CCDC91: variants seen among roughly 807,000 people sequenced by gnomAD.
CCDC91 encodes the protein coiled-coil domain-containing protein 91.
A neutral mutation model predicts 63.2 loss-of-function variants in CCDC91; 48 were observed. That is an observed-to-expected ratio of 0.76 (90% CI 0.60 to 0.97). The LOEUF (loss-of-function observed/expected upper bound fraction) is 0.97, where lower values mean the gene tolerates loss of function less well. Ranked by LOEUF, CCDC91 falls within the 50% of genes least tolerant of loss-of-function variation. The pLI is 0.00. For missense variants in CCDC91, 500 were observed against 494.6 expected, an observed-to-expected ratio of 1.01 and a Z score of -0.10; for synonymous variants, 167 against 165.8, an observed-to-expected ratio of 1.01 and a Z score of -0.06.
chr12:28,248,351 A>G (rs149449257), intron 1 of CCDC91, among the ~76,000 whole-genome samples: 1 of 152,158 alleles, frequency 6.6e-6, no homozygotes, highest in African/African-American at 2.4e-5. Context: ...ACACATCTAA[A>G]TTAGAGATAG....
At chr12:28,441,580 C>T (rs1232772346) in intron 8 of CCDC91, among the ~76,000 whole-genome samples, 2 of 149,214 alleles carry the variant, frequency 1.3e-5, no homozygotes, top group South Asian at 2.1e-4. Context: ...TTTGGCAGAG[C>T]GATGAAGCCT....
chr12:28,507,841 G>A (rs1332538637), intron 12 of CCDC91, among the ~76,000 whole-genome samples: 1 of 152,110 alleles, frequency 6.6e-6, no homozygotes, highest in African/African-American at 2.4e-5. Context: ...ACCTATCGGG[G>A]TGGAGGAAGT....
chr12:28,318,157 T>C (rs527452770), intron 6 of CCDC91, among the ~76,000 whole-genome samples: 1 of 152,090 alleles, frequency 6.6e-6, no homozygotes, highest in African/African-American at 2.4e-5. Flanking sequence ...TTTTATCACC[T>C]AAATATTCAG....
chr12:28,496,683 T>G (rs1472935998), intron 12 of CCDC91, among the ~76,000 whole-genome samples: 7 of 151,444 alleles, frequency 4.6e-5, no homozygotes, highest in Non-Finnish European at 7.4e-5. Context: ...ACATTAGCAA[T>G]TGCTAGGTTC....
intron 1 of CCDC91, among the ~76,000 whole-genome samples, chr12:28,253,848 T>C (rs574188348): frequency 6.6e-6 from 1 of 152,358 alleles, no homozygotes; most frequent in South Asian, 2.1e-4. Flanking sequence ...CATTTAATGA[T>C]GCTTCCAACC....
intron 7 of CCDC91, among the ~76,000 whole-genome samples, chr12:28,364,453 TG>T (rs1486110182): frequency 6.6e-6 from 1 of 152,230 alleles, no homozygotes; most frequent in Non-Finnish European, 1.5e-5. Flanking sequence ...CCTTTTATAA[TG>T]TTTTTAATAT....
At chr12:28,415,453 C>CACACCTG (rs1947590919) in intron 8 of CCDC91, among the ~76,000 whole-genome samples, 1 of 152,094 alleles carries the variant, frequency 6.6e-6, no homozygotes, top group Non-Finnish European at 1.5e-5. Context: ...CTCCTGACCT[C>CACACCTG]AGGTGATCCG....
At chr12:28,317,978 A>C (rs906421279) in intron 6 of CCDC91, among the ~76,000 whole-genome samples, 17 of 151,942 alleles carry the variant, frequency 1.1e-4, no homozygotes, top group Admixed American at 1.1e-3. Context: ...CTCATTCACT[A>C]TCTTTATTCT....
At chr12:28,378,588 T>A (rs1473820842) in intron 7 of CCDC91, among the ~76,000 whole-genome samples, 2 of 152,122 alleles carry the variant, frequency 1.3e-5, no homozygotes, top group African/African-American at 4.8e-5. Context: ...AATTAAGATA[T>A]GTAAGACCTG....
chr12:28,516,009 T>C (rs1322038973), intron 12 of CCDC91, among the ~76,000 whole-genome samples: 1 of 151,934 alleles, frequency 6.6e-6, no homozygotes, highest in Non-Finnish European at 1.5e-5. Flanking sequence ...TTCACAGAAG[T>C]ATTACAAGAG....
chr12:28,206,760 GT>G (rs1005806878), intron 1 of CCDC91, among the ~76,000 whole-genome samples: 2 of 152,222 alleles, frequency 1.3e-5, no homozygotes, highest in African/African-American at 4.8e-5. Flanking sequence ...AGAATTTAAA[GT>G]CTGTTGTGTA....
chr12:28,258,187 T>C (rs1396833005), intron 2 of CCDC91, among the ~76,000 whole-genome samples: 1 of 152,042 alleles, frequency 6.6e-6, no homozygotes, highest in African/African-American at 2.4e-5. Context: ...GGTTTTTGTT[T>C]AAGCATGCTT....
In CCDC91 at chr12:28,474,478, A is replaced by G. The variant is rs556224266; in HGVS notation, c.1102-9574A>G. Among the ~76,000 whole-genome samples the G allele has an allele frequency of 3.3e-5, 5 of 152,230 alleles. No homozygotes were observed. The East Asian group carries it at 7.7e-4, about 23-fold the overall frequency. Reference sequence around the variant, plus strand: ...ACAGGCAATGGACCGGATTTGGCTCATTGGTAGTAGATTGCTGATCCCAGG... The same window carrying G: ...ACAGGCAATGGACCGGATTTGGCTCGTTGGTAGTAGATTGCTGATCCCAGG... On this transcript the variant is annotated intron_variant, in intron 11 of 12. Coordinates refer to ENST00000536442, the MANE Select transcript of CCDC91 (RefSeq NM_018318.5).
chr12:28,332,550 G>T (rs1219131796), intron 6 of CCDC91, among the ~76,000 whole-genome samples: 3 of 152,112 alleles, frequency 2.0e-5, no homozygotes, highest in Non-Finnish European at 4.4e-5. Flanking sequence ...AAAAATATTT[G>T]ATCAAACTAC....
chr12:28,259,541 C>T, intron 3 of CCDC91, 99 bp downstream of exon 3: 5 of 706,434 alleles, frequency 7.1e-6, no homozygotes, highest in Admixed American at 2.6e-5. Flanking sequence ...TTTACTTGTC[C>T]TTCACTGATC....
chr12:28,520,623 G>T (rs940694363), intron 12 of CCDC91, among the ~76,000 whole-genome samples: 4 of 152,144 alleles, frequency 2.6e-5, no homozygotes, highest in African/African-American at 9.7e-5. Flanking sequence ...TGCTTTCGGT[G>T]TTTTAGACAT....
At chr12:28,368,464 G>A (rs530332938) in intron 7 of CCDC91, among the ~76,000 whole-genome samples, 1 of 152,164 alleles carries the variant, frequency 6.6e-6, no homozygotes, top group Non-Finnish European at 1.5e-5. Flanking sequence ...TATCTATGGG[G>A]TAGATGGTTT....
intron 12 of CCDC91, among the ~76,000 whole-genome samples, chr12:28,503,536 A>G (rs1461637176): frequency 2.6e-5 from 4 of 152,168 alleles, no homozygotes; most frequent in Non-Finnish European, 4.4e-5. Flanking sequence ...GCGATTCCTC[A>G]GGGATCTAGA....
At chr12:28,357,205 G>A (rs540812932) in intron 6 of CCDC91, among the ~76,000 whole-genome samples, 1 of 152,130 alleles carries the variant, frequency 6.6e-6, no homozygotes, top group South Asian at 2.1e-4. Flanking sequence ...TTGATTGTAT[G>A]GTTCCTTGTT....
Sources: gnomAD v4.1 joint callset for allele counts (sites outside exome capture counted in the v4.1 genomes callset) on GRCh38, gnomAD v4.1.1 for gene constraint, MANE v1.5 for transcripts, NCBI Gene and HGNC (gene_info 2026-07-23, HGNC 2026-07-21) for gene names.